CNTLN: variants seen among roughly 807,000 people sequenced by gnomAD.
The protein encoded by CNTLN is centlein.
In CNTLN, 212 loss-of-function variants were observed where a neutral mutation model predicts 180.0. The ratio of observed to expected loss-of-function variants is 1.18; its 90% CI spans 1.05 to 1.32. The LOEUF is 1.32. CNTLN is among the 40% of genes most tolerant of loss of function. The pLI, the probability that CNTLN is intolerant of heterozygous loss-of-function variation, is 0.00. For synonymous variants in CNTLN, 722 were observed against 563.1 expected (o/e 1.28, Z -3.99); for missense variants, 2,095 against 1,610.9 (o/e 1.30, Z -5.14).
At chr9:17,295,159 C>G (rs558739495) in intron 6 of CNTLN, among the ~76,000 whole-genome samples, 100 of 152,118 alleles carry the variant, frequency 6.6e-4, no homozygotes, top group East Asian at 4.5e-3. Flanking sequence ...ACCCGGAACT[C>G]TAGCTGGCCC....
chr9:17,514,911 C>T, the CNTLN span, among the ~76,000 whole-genome samples: 1 of 152,188 alleles, frequency 6.6e-6, no homozygotes, highest in African/African-American at 2.4e-5. Context: ...CTAAAGCCAG[C>T]ATTTTGAGGA....
At chr9:17,211,612 G>T (rs906182859) in intron 2 of CNTLN, among the ~76,000 whole-genome samples, 1 of 152,160 alleles carries the variant, frequency 6.6e-6, no homozygotes, top group African/African-American at 2.4e-5. Flanking sequence ...GTAGCTTGAT[G>T]GGGATGGCAT....
intron 5 of CNTLN, among the ~76,000 whole-genome samples, chr9:17,269,714 A>G (rs1455948196): frequency 6.6e-6 from 1 of 152,180 alleles, no homozygotes; most frequent in African/African-American, 2.4e-5. Context: ...TGCCATTAAG[A>G]TGAATGTATA....
intron 2 of CNTLN, among the ~76,000 whole-genome samples, chr9:17,174,059 A>G (rs941909487): frequency 6.6e-6 from 1 of 152,156 alleles, no homozygotes; most frequent in Non-Finnish European, 1.5e-5. Flanking sequence ...TAATTTTATC[A>G]TTTCTAAAAT....
At chr9:17,245,100 A>G (rs948671726) in intron 5 of CNTLN, among the ~76,000 whole-genome samples, 9 of 151,622 alleles carry the variant, frequency 5.9e-5, no homozygotes, top group African/African-American at 2.2e-4. Context: ...CTTTTATAAT[A>G]CTCTGTATTT....
intron 23 of CNTLN, 106 bp from the exon 24 acceptor site, chr9:17,484,189 C>A: frequency 1.2e-6 from 1 of 865,148 alleles, no homozygotes; most frequent in East Asian, 2.5e-5. Flanking sequence ...CCAGAGTAAT[C>A]CTAGTAAAAA....
intron 13 of CNTLN, among the ~76,000 whole-genome samples, chr9:17,369,203 G>A (rs745548103): frequency 2.0e-5 from 3 of 152,028 alleles, no homozygotes; most frequent in Admixed American, 6.5e-5. Context: ...CTTTTTCCCC[G>A]TTCGCTTGGC....
intron 9 of CNTLN, 77 bp downstream of exon 9, chr9:17,330,885 G>T: frequency 1.5e-6 from 2 of 1,308,748 alleles, no homozygotes; most frequent in Non-Finnish European, 2.1e-6. Flanking sequence ...AAAACAAATG[G>T]CAGCATTTAC....
chr9:17,438,770 A>G (rs561097099), intron 18 of CNTLN, among the ~76,000 whole-genome samples: 1 of 152,286 alleles, frequency 6.6e-6, no homozygotes, highest in South Asian at 2.1e-4. Flanking sequence ...GAGTATGTAG[A>G]TGGCATTTAA....
intron 25 of CNTLN, among the ~76,000 whole-genome samples, chr9:17,491,429 C>A (rs1588107099): frequency 1.3e-5 from 2 of 151,968 alleles, no homozygotes. Context: ...TGGGTAGATA[C>A]ATTAAAATAT....
chr9:17,267,130 T>G (rs7034809), intron 5 of CNTLN, among the ~76,000 whole-genome samples: 29,673 of 151,746 alleles, frequency 0.2, 3,511 homozygotes, highest in African/African-American at 0.33. Context: ...TTTCTTCCTA[T>G]CCTTGATGGT....
rs574568875 is a variant in CNTLN, at chr9:17,355,695, A to C, written c.1887-10922A>C. Among the ~76,000 whole-genome samples the C allele has an allele frequency of 3.2e-4, 49 of 152,326 alleles. 1 individual carries two copies. In the Middle Eastern group the frequency reaches 0.01, roughly 32 times the overall value. Reference sequence around the variant, plus strand: ...AATAATAATTTCTGTAGGTTTAGAAAACAGGCAGTATGATTATGTGCAATA... The same window carrying C: ...AATAATAATTTCTGTAGGTTTAGAACACAGGCAGTATGATTATGTGCAATA... On this transcript the variant is annotated intron_variant, in intron 12 of 25. Coordinates refer to ENST00000380647, the MANE Select transcript of CNTLN (RefSeq NM_017738.4).
At chr9:17,150,233 TG>T (rs777445378) in intron 2 of CNTLN, among the ~76,000 whole-genome samples, 5 of 152,260 alleles carry the variant, frequency 3.3e-5, no homozygotes, top group Non-Finnish European at 7.3e-5. Flanking sequence ...CCCATGCATA[TG>T]TCCTGAATGG....
intron 25 of CNTLN, chr9:17,494,868 A>G (rs77867050): frequency 0.33 from 134,303 of 404,404 alleles, 25,191 homozygotes; most frequent in East Asian, 0.52. Context: ...TGTATTTACT[A>G]TACCATACTT....
intron 15 of CNTLN, among the ~76,000 whole-genome samples, chr9:17,406,819 A>C (rs1827428461): frequency 6.6e-6 from 1 of 151,622 alleles, no homozygotes; most frequent in South Asian, 2.1e-4. Flanking sequence ...AGAAGGAAGC[A>C]CTCTGCCCCA....
intron 5 of CNTLN, among the ~76,000 whole-genome samples, chr9:17,270,167 C>T (rs965315629): frequency 6.6e-6 from 1 of 151,800 alleles, no homozygotes; most frequent in Non-Finnish European, 1.5e-5. Flanking sequence ...ACCTAAAATC[C>T]CCAGGACAAT....
intron 6 of CNTLN, among the ~76,000 whole-genome samples, chr9:17,283,153 C>T (rs1216796578): frequency 6.6e-6 from 1 of 152,152 alleles, no homozygotes; most frequent in Non-Finnish European, 1.5e-5. Flanking sequence ...ATAGGAATAG[C>T]ATTGAATCTA....
chr9:17,430,014 T>C (rs1394556518), intron 18 of CNTLN, among the ~76,000 whole-genome samples: 1 of 152,016 alleles, frequency 6.6e-6, no homozygotes, highest in Non-Finnish European at 1.5e-5. Flanking sequence ...CTAAACACTT[T>C]GAACACATTT....
At chr9:17,397,177 A>G (rs1462064480) in intron 15 of CNTLN, among the ~76,000 whole-genome samples, 2 of 151,526 alleles carry the variant, frequency 1.3e-5, no homozygotes, top group Non-Finnish European at 3.0e-5. Flanking sequence ...ATTTTATCAT[A>G]TTAGTGTTTC....
Sources: gnomAD v4.1 joint callset for allele counts (sites outside exome capture counted in the v4.1 genomes callset) on GRCh38, gnomAD v4.1.1 for gene constraint, MANE v1.5 for transcripts, NCBI Gene and HGNC (gene_info 2026-07-23, HGNC 2026-07-21) for gene names.